The following LASP1 variants were observed in gnomAD, a reference collection of about 807,000 sequenced individuals.
The protein encoded by LASP1 is LIM and SH3 domain protein 1.
A neutral mutation model predicts 38.6 loss-of-function variants in LASP1; 10 were observed. That is an observed-to-expected ratio of 0.26 (90% CI 0.16 to 0.44). LASP1 has a LOEUF of 0.44. Ranked by LOEUF, LASP1 falls within the 20% of genes least tolerant of loss-of-function variation. The pLI is 1.00. For synonymous variants in LASP1, 132 were observed against 140.8 expected (o/e 0.94, Z 0.44); for missense variants, 243 against 375.7 (o/e 0.65, Z 2.92).
rs1017101350 is a variant in LASP1, at chr17:38,920,259, GTCACCCTGTGGGTGTCTCCC to G, written c.*1484_*1503del. 17 of 435,550 alleles carry G rather than the reference GTCACCCTGTGGGTGTCTCCC, an allele frequency of 3.9e-5. No individual in the cohort carries two copies. Among genetic ancestry groups the G allele is most frequent in the African/African-American group, 3.1e-4 (16 of 50,958 alleles). The allele number at this position is 435,550 out of a possible 1,614,324, so 27.0% of individuals were successfully genotyped here. On this transcript the variant is annotated 3_prime_UTR_variant, in exon 7 of 7. Transcript: ENST00000318008. ...GGCTACAGAATAGGGTGGCAGAAGT[GTCACCCTGTGGGTGTCTCCC>G]TCGGGGGCTCTTCCCCTAGACCTCC...
intron 4 of LASP1, among the ~76,000 whole-genome samples, chr17:38,905,508 G>A (rs912315822): frequency 7.1e-6 from 1 of 140,932 alleles, no homozygotes; most frequent in African/African-American, 2.7e-5. Flanking sequence ...TCCAGCCTGG[G>A]CGACAGAGTG....
chr17:38,896,256 G>A (rs747925118), intron 3 of LASP1, among the ~76,000 whole-genome samples: 14 of 152,080 alleles, frequency 9.2e-5, no homozygotes, highest in African/African-American at 3.1e-4. Flanking sequence ...GGGTCTGAAG[G>A]TGCTTTAAAA....
intron 2 of LASP1, among the ~76,000 whole-genome samples, chr17:38,882,403 A>G (rs1598106280): frequency 6.6e-6 from 1 of 152,250 alleles, no homozygotes; most frequent in East Asian, 1.9e-4. Flanking sequence ...ACCTGCCACC[A>G]TGCCCGGCTA....
At chr17:38,887,534 T>C (rs1046506068) in intron 2 of LASP1, among the ~76,000 whole-genome samples, 4 of 152,186 alleles carry the variant, frequency 2.6e-5, no homozygotes, top group African/African-American at 7.2e-5. Context: ...GCCACGTCTG[T>C]TGCCAGCTGC....
At chr17:38,876,507 C>T (rs1224187029) in intron 1 of LASP1, among the ~76,000 whole-genome samples, 11 of 151,716 alleles carry the variant, frequency 7.3e-5, no homozygotes, top group South Asian at 4.1e-4. Flanking sequence ...ATTACAGGCA[C>T]GCCGTCACTG....
chr17:38,889,014 T>A (rs1914225020), intron 2 of LASP1, among the ~76,000 whole-genome samples: 1 of 152,238 alleles, frequency 6.6e-6, no homozygotes, highest in Non-Finnish European at 1.5e-5. Flanking sequence ...AGTTCTCCCA[T>A]CTGTCAAAGG....
rs372395962 is a variant in LASP1, at chr17:38,891,614, C to T, written c.249+1110C>T. Among the ~76,000 whole-genome samples, 16 of 152,222 alleles carry T rather than the reference C, an allele frequency of 1.1e-4. No individual in the cohort carries two copies. In the East Asian group the frequency reaches 2.1e-3, roughly 20 times the overall value. ...CTGACGATGGAGGGCTCAGTGCTCC[C>T]GGCGTGTGAGCTCGTTTAATCCTCA... On this transcript the variant is annotated intron_variant, in intron 3 of 6. Transcript: ENST00000318008.
At chr17:38,901,275 C>A (rs1235862601) in intron 4 of LASP1, among the ~76,000 whole-genome samples, 1 of 152,192 alleles carries the variant, frequency 6.6e-6, no homozygotes, top group Non-Finnish European at 1.5e-5. Context: ...GTGTTAATAT[C>A]CTAGTGACAA....
At chr17:38,900,471 G>A (rs1463756794) in intron 4 of LASP1, among the ~76,000 whole-genome samples, 10 of 151,610 alleles carry the variant, frequency 6.6e-5, no homozygotes, top group Non-Finnish European at 1.5e-4. Context: ...TCAAGAGATC[G>A]AGACCATCCT....
At chr17:38,894,910 G>A (rs1481244910) in intron 3 of LASP1, among the ~76,000 whole-genome samples, 2 of 151,816 alleles carry the variant, frequency 1.3e-5, no homozygotes, top group African/African-American at 2.4e-5. Flanking sequence ...GCTAATTTTT[G>A]TATTTTTAGT....
intron 1 of LASP1, among the ~76,000 whole-genome samples, chr17:38,871,826 G>A (rs1913618591): frequency 6.6e-6 from 1 of 152,106 alleles, no homozygotes; most frequent in African/African-American, 2.4e-5. Flanking sequence ...GAGGAAAGTT[G>A]TTGATCTCCC....
At position 38,895,983 on chromosome 17, in the gene LASP1, C is replaced by T. The variant is rs547521821; in HGVS notation, c.250-2429C>T. The stretch of plus-strand genomic sequence containing the variant: ...CAGAAGTGGGGTCCTCTGACCGAAG[C>T]GCTGAGTTGCATCCTGGCCTGAGCG... On this transcript the variant is annotated intron_variant, in intron 3 of 6. Coordinates refer to ENST00000318008, the MANE Select transcript of LASP1 (RefSeq NM_006148.4). Among the ~76,000 whole-genome samples, 125 of 152,322 alleles carry T rather than the reference C, an allele frequency of 8.2e-4. 1 individual carries two copies. In the South Asian group the frequency reaches 0.023, roughly 28 times the overall value.
At chr17:38,870,387 G>A (rs544767509) in intron 1 of LASP1, 129 bp downstream of exon 1, 6 of 1,069,586 alleles carry the variant, frequency 5.6e-6, no homozygotes, top group Non-Finnish European at 8.2e-6. Context: ...GGGCGAGCGG[G>A]CGGTGTCATG....
Position 38,870,071 on chromosome 17 carries a change from C to A in LASP1, c.-119C>A. The A allele has an allele frequency of 9.2e-7, 1 of 1,087,264 alleles. No homozygotes were observed. Among genetic ancestry groups the A allele is most frequent in the African/African-American group, 1.6e-5 (1 of 64,276 alleles). 67.4% of individuals were successfully genotyped at this position (1,087,264 alleles called of 1,614,324 possible). A position where few individuals can be genotyped will look rare whatever the true frequency, so the allele number is the denominator to read the frequency against. ...GCGGAGGCGGAGGCCAGTTCCCCAG[C>A]TCCAGCCGCCGTCGCTGCTGCCTGT... On this transcript the variant is annotated 5_prime_UTR_variant, in exon 1 of 7. Coordinates refer to ENST00000318008, the MANE Select transcript of LASP1 (RefSeq NM_006148.4).
chr17:38,884,504 C>T (rs145989654), intron 2 of LASP1, among the ~76,000 whole-genome samples: 12,762 of 151,704 alleles, frequency 0.084, 918 homozygotes, highest in African/African-American at 0.2. Context: ...TCTCCCGCCT[C>T]AGCCTCCCAA....
intron 3 of LASP1, among the ~76,000 whole-genome samples, chr17:38,893,380 C>G (rs1482079436): frequency 6.6e-6 from 1 of 152,172 alleles, no homozygotes; most frequent in African/African-American, 2.4e-5. Context: ...TTGACTCCCC[C>G]GTGATTCTGA....
intron 5 of LASP1, 77 bp downstream of exon 5, chr17:38,914,552 C>A: frequency 6.8e-7 from 1 of 1,473,384 alleles, no homozygotes; most frequent in Non-Finnish European, 9.1e-7. Context: ...AGAAGACAGA[C>A]AGACAGATAC....
intron 2 of LASP1, among the ~76,000 whole-genome samples, chr17:38,884,465 G>C (rs916170403): frequency 3.3e-5 from 5 of 150,022 alleles, no homozygotes; most frequent in Admixed American, 2.7e-4. Flanking sequence ...TTGGCTCACT[G>C]CAACCTCTGC....
intron 3 of LASP1, among the ~76,000 whole-genome samples, chr17:38,893,477 G>A (rs1914399448): frequency 6.6e-6 from 1 of 152,158 alleles, no homozygotes; most frequent in Non-Finnish European, 1.5e-5. Context: ...TCTGAGGGGT[G>A]CCACATTAGG....
Sources: gnomAD v4.1 joint callset for allele counts (sites outside exome capture counted in the v4.1 genomes callset) on GRCh38, gnomAD v4.1.1 for gene constraint, MANE v1.5 for transcripts, NCBI Gene and HGNC (gene_info 2026-07-23, HGNC 2026-07-21) for gene names.